CCDC7: variants seen among roughly 807,000 people sequenced by gnomAD.
CCDC7 encodes coiled-coil domain containing 7, also known as coiled-coil domain-containing protein 7.
In CCDC7, 183 loss-of-function variants were observed where a neutral mutation model predicts 196.9. The ratio of observed to expected loss-of-function variants is 0.93; its 90% confidence interval spans 0.82 to 1.05. The LOEUF is 1.05. Among genes scored for constraint, CCDC7 ranks in the 50% least tolerant of loss-of-function variants. CCDC7 has a pLI of 0.00. For missense variants in CCDC7, 1,540 were observed against 1,482.2 expected (o/e 1.04, Z -0.64); for synonymous variants, 525 against 484.6 (o/e 1.08, Z -1.10).
chr10:32,474,669 G>T (rs1308288145), intron 8 of CCDC7, among the ~76,000 whole-genome samples: 1 of 152,134 alleles, frequency 6.6e-6, no homozygotes, highest in Non-Finnish European at 1.5e-5. Context: ...TGTAGATTTT[G>T]TTACTAGGAA....
intron 41 of CCDC7, among the ~76,000 whole-genome samples, chr10:32,873,977 T>A (rs975603517): frequency 6.6e-6 from 1 of 151,720 alleles, no homozygotes; most frequent in Non-Finnish European, 1.5e-5. Flanking sequence ...ATATATATGG[T>A]TAAAATGCAA....
intron 30 of CCDC7, among the ~76,000 whole-genome samples, chr10:32,808,902 A>C (rs1011070644): frequency 6.6e-6 from 1 of 152,166 alleles, no homozygotes; most frequent in Non-Finnish European, 1.5e-5. Flanking sequence ...CAGGGTAGGC[A>C]TGGTGACTCA....
intron 28 of CCDC7, among the ~76,000 whole-genome samples, chr10:32,734,463 A>G (rs1302000285): frequency 6.6e-6 from 1 of 152,178 alleles, no homozygotes; most frequent in Admixed American, 6.5e-5. Flanking sequence ...GAGAAGGGAG[A>G]GGAGCAGAAA....
At chr10:32,573,292 A>G (rs532135069) in intron 16 of CCDC7, among the ~76,000 whole-genome samples, 5 of 152,280 alleles carry the variant, frequency 3.3e-5, no homozygotes, top group South Asian at 4.1e-4. Flanking sequence ...GTAGTTTATC[A>G]CCCTGAAGAA....
At chr10:32,561,565 A>T in intron 13 of CCDC7, among the ~76,000 whole-genome samples, 1 of 152,228 alleles carries the variant, frequency 6.6e-6, no homozygotes, top group Non-Finnish European at 1.5e-5. Context: ...GTACATAACG[A>T]AATGAAGGCA....
chr10:32,711,487 G>C (rs2080830703), intron 24 of CCDC7, 133 bp from the exon 26 acceptor site: 1 of 553,646 alleles, frequency 1.8e-6, no homozygotes, highest in Non-Finnish European at 3.2e-6. Flanking sequence ...GTCAGAGCTA[G>C]CATTAAGGTA....
intron 32 of CCDC7, among the ~76,000 whole-genome samples, chr10:32,831,919 C>T (rs939799896): frequency 1.3e-5 from 2 of 152,134 alleles, no homozygotes; most frequent in Non-Finnish European, 2.9e-5. Flanking sequence ...TTATTATTAT[C>T]ATCAAGTGTT....
At chr10:32,683,226 C>T (rs2076062458) in intron 21 of CCDC7, among the ~76,000 whole-genome samples, 1 of 152,156 alleles carries the variant, frequency 6.6e-6, no homozygotes, top group Non-Finnish European at 1.5e-5. Flanking sequence ...AGCCTGTTAT[C>T]CTAGCACAAC....
At chr10:32,511,261 C>CAG in intron 9 of CCDC7, 5 of 380,450 alleles carry the variant, frequency 1.3e-5, no homozygotes, top group South Asian at 3.1e-5. Flanking sequence ...CTGTGGGGGG[C>CAG]GGGGGGGGCG....
At chr10:32,639,334 C>A (rs921308627) in intron 20 of CCDC7, among the ~76,000 whole-genome samples, 3 of 151,932 alleles carry the variant, frequency 2.0e-5, no homozygotes, top group Admixed American at 2.0e-4. Context: ...TTAGGGTGTC[C>A]ATTTTAGATC....
chr10:32,689,081 T>C (rs1042002596), exon 23 of CCDC7: 3 of 1,605,782 alleles, frequency 1.9e-6, no homozygotes, highest in Non-Finnish European at 1.7e-6. Flanking sequence ...ATGAAAATCT[T>C]ATACTTAGGC....
At chr10:32,867,049 G>T (rs1331852798) in intron 41 of CCDC7, among the ~76,000 whole-genome samples, 1 of 151,382 alleles carries the variant, frequency 6.6e-6, no homozygotes, top group Non-Finnish European at 1.5e-5. Flanking sequence ...AAATATGTAG[G>T]TCAAGACACA....
At position 32,695,952 on chromosome 10, in the gene CCDC7, G is replaced by A. The variant is rs566397366; in HGVS notation, c.2458+960G>A. ...AGGCACACAATGCCTTAAGCAAAAG[G>A]CCAGATGGTGAACTTTGGCTTCCTT... On this transcript the variant is annotated intron_variant, in intron 24 of 41. Coordinates refer to ENST00000639629, the Ensembl canonical transcript of CCDC7. Among the ~76,000 whole-genome samples the A allele has an allele frequency of 1.4e-3, 217 of 151,958 alleles. 1 individual carries two copies. The highest frequency in any genetic ancestry group is 5.0e-3 in the African/African-American group (206 of 41,488).
At chr10:32,584,929 A>G (rs2059109850) in intron 18 of CCDC7, among the ~76,000 whole-genome samples, 1 of 152,104 alleles carries the variant, frequency 6.6e-6, no homozygotes, top group African/African-American at 2.4e-5. Flanking sequence ...CATAGCAGGA[A>G]AAAAGATGAT....
In CCDC7 at chr10:32,812,480, A is replaced by C. The variant is rs138149185; in HGVS notation, c.3098-1890A>C. Reference sequence around the variant, plus strand: ...AAAATGGGGAACGGAATACAGCTATATGGGAGTTACTTTTCTATATTTCAC... The same window carrying C: ...AAAATGGGGAACGGAATACAGCTATCTGGGAGTTACTTTTCTATATTTCAC... On this transcript the variant is annotated intron_variant, in intron 30 of 41. Transcript: ENST00000639629. Among the ~76,000 whole-genome samples the C allele has an allele frequency of 2.4e-3, 361 of 152,164 alleles. 2 individuals are homozygous for C. The highest frequency in any genetic ancestry group is 8.3e-3 in the African/African-American group (343 of 41,528).
chr10:32,566,231 A>G (rs1009329378), intron 14 of CCDC7, among the ~76,000 whole-genome samples: 3 of 152,204 alleles, frequency 2.0e-5, no homozygotes, highest in Admixed American at 2.0e-4. Context: ...GAATTGATAT[A>G]TTCATCTGTT....
At chr10:32,490,119 C>T (rs990897153) in intron 8 of CCDC7, among the ~76,000 whole-genome samples, 3 of 152,126 alleles carry the variant, frequency 2.0e-5, no homozygotes, top group African/African-American at 7.2e-5. Context: ...CTTGCTGTCT[C>T]CAGCTGTCTC....
chr10:32,466,259 T>C lies in CCDC7; in HGVS notation c.510+3210T>C, dbSNP rs1253941219. ...TTTTCAAGGAGTGTTTCTCTCTCTT[T>C]TTTTTTTTTTTTTGTAAACTTTTAT... is the stretch of plus-strand genomic sequence containing the variant. On this transcript the variant is annotated intron_variant, in intron 5 of 41. Transcript: ENST00000639629. Among the ~76,000 whole-genome samples, 6 of 151,106 alleles carry C rather than the reference T, an allele frequency of 4.0e-5. No homozygotes were observed. In the South Asian group the frequency reaches 6.3e-4, roughly 16 times the overall value.
intron 24 of CCDC7, among the ~76,000 whole-genome samples, chr10:32,701,148 A>G (rs2078648217): frequency 6.6e-6 from 1 of 152,316 alleles, no homozygotes; most frequent in Non-Finnish European, 1.5e-5. Flanking sequence ...TTCAAAGGGA[A>G]TGCGTCCAGT....
Sources: gnomAD v4.1 joint callset for allele counts (sites outside exome capture counted in the v4.1 genomes callset) on GRCh38, gnomAD v4.1.1 for gene constraint, MANE v1.5 for transcripts, NCBI Gene and HGNC (gene_info 2026-07-23, HGNC 2026-07-21) for gene names.